The following COL5A1 variants were observed in gnomAD, a reference collection of about 807,000 sequenced individuals.
COL5A1 encodes the protein collagen alpha-1(V) chain.
Under a neutral mutation model 263.7 loss-of-function variants are expected in COL5A1, and 16 were observed. That is an observed-to-expected ratio of 0.06 (90% CI 0.04 to 0.09). COL5A1 has a LOEUF of 0.09. COL5A1 is among the 10% of genes least tolerant of loss of function. The pLI is 1.00. For missense variants in COL5A1, 2,036 were observed against 2,540.5 expected, an observed-to-expected ratio of 0.80 and a Z score of 4.27; for synonymous variants, 1,012 against 1,004.5, an observed-to-expected ratio of 1.01 and a Z score of -0.14.
At chr9:134,697,889 G>A (rs561816435) in intron 2 of COL5A1, among the ~76,000 whole-genome samples, 35 of 152,284 alleles carry the variant, frequency 2.3e-4, no homozygotes, top group African/African-American at 7.7e-4. Context: ...TTCGAGACCA[G>A]CCTGACCAAC....
At chr9:134,720,122 C>T (rs529960095) in intron 4 of COL5A1, among the ~76,000 whole-genome samples, 4 of 152,306 alleles carry the variant, frequency 2.6e-5, no homozygotes, top group African/African-American at 9.6e-5. Flanking sequence ...GGGCACGGCC[C>T]ACTGGGCAAT....
At chr9:134,822,926 G>A in intron 59 of COL5A1, 72 bp from the exon 60 acceptor site, 1 of 1,572,112 alleles carries the variant, frequency 6.4e-7, no homozygotes, top group Non-Finnish European at 8.7e-7. Flanking sequence ...ACCAGGCTGG[G>A]CAGGACATGG....
rs1036105489 is a variant in COL5A1, at chr9:134,842,038, G to A, written c.5371-119G>A. 13 of 1,163,898 alleles carry A rather than the reference G, an allele frequency of 1.1e-5. No individual in the cohort carries two copies. The highest frequency in any genetic ancestry group is 1.8e-5 in the Admixed American group (1 of 54,258). The allele number at this position is 1,163,898 out of a possible 1,614,324, so 72.1% of individuals were successfully genotyped here. A position where few individuals can be genotyped will look rare whatever the true frequency, so the allele number is the denominator to read the frequency against. ...ACTTGCCCGGGCAAGCGCAGCCCTG[G>A]GTAGGAGACAGGACACCAGCCTGGG... On this transcript the variant is annotated intron_variant, in intron 65 of 65. Coordinates refer to ENST00000371817, the MANE Select transcript of COL5A1 (RefSeq NM_000093.5). This position sits in a 1 kb window ranked among gnomAD's most constrained non-coding sequence, Gnocchi z 5.8.
intron 1 of COL5A1, among the ~76,000 whole-genome samples, chr9:134,648,300 ATATAAT>A (rs968281352): frequency 2.3e-5 from 3 of 129,676 alleles, no homozygotes; most frequent in Admixed American, 7.5e-5. Context: ...ATATATATAT[ATATAAT>A]ATATATATAT....
chr9:134,839,996 CTG>C (rs1055542609), intron 65 of COL5A1, among the ~76,000 whole-genome samples: 6 of 152,264 alleles, frequency 3.9e-5, no homozygotes, highest in Non-Finnish European at 5.9e-5. Context: ...TTCTGTGGAA[CTG>C]TGTGTTTTGC....
intron 11 of COL5A1, among the ~76,000 whole-genome samples, chr9:134,745,437 G>A (rs1835475818): frequency 6.6e-6 from 1 of 152,162 alleles, no homozygotes; most frequent in Non-Finnish European, 1.5e-5. Context: ...GTGAGTCCAG[G>A]AGTCTTTCTC....
intron 4 of COL5A1, among the ~76,000 whole-genome samples, chr9:134,703,686 G>A (rs913052342): frequency 1.8e-4 from 26 of 144,004 alleles, no homozygotes; most frequent in African/African-American, 6.9e-4. Flanking sequence ...CGCCCAGGCT[G>A]GAGTGCAGTG....
chr9:134,719,416 A>T (rs1018440799), intron 4 of COL5A1, among the ~76,000 whole-genome samples: 1 of 152,334 alleles, frequency 6.6e-6, no homozygotes, highest in East Asian at 1.9e-4. Context: ...TACCGGACAC[A>T]TGCACGCACA....
intron 1 of COL5A1, among the ~76,000 whole-genome samples, chr9:134,644,237 G>GC (rs1564361040): frequency 2.5e-4 from 19 of 76,482 alleles, no homozygotes; most frequent in Non-Finnish European, 2.4e-4. Context: ...AGATGCAGGC[G>GC]TGGCGGGGAG....
chr9:134,661,650 T>G lies in COL5A1; in HGVS notation c.109+19354T>G, dbSNP rs1480171615. 2.6e-5 allele frequency among the ~76,000 whole-genome samples: 4 copies of G among 152,080 alleles called. No individual in the cohort carries two copies. In the East Asian group the frequency reaches 7.8e-4, roughly 30 times the overall value. ...CCATACCCCCCTCCCCATGCAACCC[T>G]GCCCAGCCCACTGCATCTTCCTGAG... On this transcript the variant is annotated intron_variant, in intron 1 of 65. Transcript: ENST00000371817.
At chr9:134,675,266 A>G (rs1468870091) in intron 1 of COL5A1, among the ~76,000 whole-genome samples, 1 of 152,204 alleles carries the variant, frequency 6.6e-6, no homozygotes, top group East Asian at 1.9e-4. Flanking sequence ...TTTCAGTACT[A>G]AGTGTCAAAC....
At chr9:134,745,384 T>C (rs116739255) in intron 11 of COL5A1, among the ~76,000 whole-genome samples, 3,345 of 151,932 alleles carry the variant, frequency 0.022, 124 homozygotes, top group African/African-American at 0.071. Flanking sequence ...CCATGCAGGG[T>C]CTGCCAGGGT....
chr9:134,673,816 C>A (rs939876710), intron 1 of COL5A1, among the ~76,000 whole-genome samples: 7 of 152,136 alleles, frequency 4.6e-5, no homozygotes, highest in Non-Finnish European at 1.0e-4. Context: ...AAACACATAT[C>A]TGATAAAGAA....
intron 1 of COL5A1, among the ~76,000 whole-genome samples, chr9:134,683,750 C>T (rs1352533568): frequency 6.6e-6 from 1 of 152,238 alleles, no homozygotes; most frequent in Non-Finnish European, 1.5e-5. Context: ...CCCACCCCAC[C>T]TGAGAGTGGG....
intron 1 of COL5A1, among the ~76,000 whole-genome samples, chr9:134,676,998 T>A (rs141672102): frequency 6.6e-6 from 1 of 152,156 alleles, no homozygotes; most frequent in Non-Finnish European, 1.5e-5. Flanking sequence ...GTCTGGGAAA[T>A]AGCAAGTCCC....
intron 1 of COL5A1, among the ~76,000 whole-genome samples, chr9:134,659,087 G>A (rs1832121642): frequency 1.3e-5 from 2 of 152,202 alleles, no homozygotes; most frequent in Non-Finnish European, 2.9e-5. Flanking sequence ...AAGTGGCAGA[G>A]TTAGGCCTTT....
intron 64 of COL5A1, among the ~76,000 whole-genome samples, chr9:134,832,282 T>C (rs1386374595): frequency 6.6e-6 from 1 of 152,096 alleles, no homozygotes; most frequent in Non-Finnish European, 1.5e-5. Flanking sequence ...GGTGTGCACC[T>C]GTAATTCCAG....
rs12353380 is a variant in COL5A1 at position 134,829,799 on chromosome 9, C to A, written c.5068-177C>A. Among the ~76,000 whole-genome samples, 47,939 of 151,750 alleles carry A rather than the reference C, an allele frequency of 0.32. 7,677 individuals are homozygous for A. The highest frequency in any genetic ancestry group is 0.35 in the African/African-American group (14,545 of 41,366). Reference sequence around the variant, plus strand: ...TCTCCTGTGACCTCCAGTCTCCCCACAAGGGCCGGGGCCCTCAGGCTGCAC... The same window carrying A: ...TCTCCTGTGACCTCCAGTCTCCCCAAAAGGGCCGGGGCCCTCAGGCTGCAC... On this transcript the variant is annotated intron_variant, in intron 63 of 65. Transcript: ENST00000371817.
chr9:134,692,744 C>T (rs1833329215), intron 2 of COL5A1, among the ~76,000 whole-genome samples: 1 of 152,188 alleles, frequency 6.6e-6, no homozygotes, highest in Non-Finnish European at 1.5e-5. Flanking sequence ...AGAAATATTA[C>T]AGTATCTCAG....
Sources: allele counts gnomAD v4.1 joint callset (sites outside exome capture counted in the v4.1 genomes callset), GRCh38; gene constraint gnomAD v4.1.1; non-coding constraint Gnocchi (gnomAD v3.1); transcripts MANE v1.5; gene names NCBI Gene and HGNC (gene_info 2026-07-23, HGNC 2026-07-21).